FZD4: variants seen among roughly 807,000 people sequenced by gnomAD.
FZD4 encodes the protein frizzled class receptor 4.
In FZD4, 16 loss-of-function variants were observed where a neutral mutation model predicts 37.3. The ratio of observed to expected loss-of-function variants is 0.43; its 90% CI spans 0.29 to 0.65. FZD4 has a LOEUF of 0.65. Ranked by LOEUF, FZD4 falls within the 30% of genes least tolerant of loss-of-function variation. The pLI is 0.16. For synonymous variants in FZD4, 246 were observed against 254.8 expected (o/e 0.97, Z 0.33); for missense variants, 599 against 674.3 (o/e 0.89, Z 1.24).
chr11:86,950,456 G>A lies in FZD4; in HGVS notation c.*686C>T, dbSNP rs1162752826. The A allele has an allele frequency of 6.5e-6, 1 of 152,736 alleles. No homozygotes were observed. The allele number at this position is 152,736 out of a possible 1,614,324, so 9.5% of individuals were successfully genotyped here. ...CAAGAAGAGAGATGTTGAAATTTAA[G>A]AGAGGAAGACAGAGAAGAAAAATCC... On this transcript the variant is annotated 3_prime_UTR_variant, in exon 2 of 2. Coordinates refer to ENST00000531380, the MANE Select transcript of FZD4 (RefSeq NM_012193.4).
Position 86,954,863 on chromosome 11 carries a change from C to G in FZD4, c.223G>C (p.Ala75Pro). 1 of 1,613,460 alleles carries G rather than the reference C, an allele frequency of 6.2e-7. No individual in the cohort carries two copies. ...GTGAAAGTTGTCAGCTGCAGCTCGGCGTCCGTCTGCAGCTCGTGCCCAACC... is the reference window on the plus strand; with the variant it reads ...GTGAAAGTTGTCAGCTGCAGCTCGGGGTCCGTCTGCAGCTCGTGCCCAACC... ...NLVGHELQTD[A>P]ELQLTTFTPL... Residue 75 changes from alanine (A) to proline (P), a missense_variant, in exon 1 of 2, where the codon GCC becomes CCC. Coordinates refer to ENST00000531380, the MANE Select transcript of FZD4 (RefSeq NM_012193.4).
Position 86,951,562 on chromosome 11 carries a change from A to G in FZD4, c.1194T>C (p.Tyr398=), listed in dbSNP as rs147766472. The G allele has an allele frequency of 1.8e-4, 287 of 1,614,200 alleles. No individual in the cohort carries two copies. The African/African-American group carries it at 2.4e-3, about 13-fold the overall frequency. ...TGFVVAPLFT[Y]LVIGTLFIAA... ...CAATGAACAAAGTTCCAATGACCAA[A>G]TAAGTAAAGAGGGGAGCCACCACGA... is the stretch of plus-strand genomic sequence containing the variant. The change falls in exon 2 of 2, where the codon TAT becomes TAC. Residue 398 remains tyrosine (Y), a synonymous_variant. Coordinates refer to ENST00000531380, the MANE Select transcript of FZD4 (RefSeq NM_012193.4).
In FZD4 at chr11:86,946,419, A is replaced by G. The variant is rs1326060439; in HGVS notation, c.*4723T>C. On this transcript the variant is annotated 3_prime_UTR_variant, in exon 2 of 2. Coordinates refer to ENST00000531380, the MANE Select transcript of FZD4 (RefSeq NM_012193.4). ...GGTCCTCTACAAATTGCCTGGGGAA[A>G]TTCTGGGAATTGGCTGATGCAAAGA... 6.6e-6 allele frequency: 1 copy of G among 152,236 alleles called. No homozygotes were observed. The highest frequency in any genetic ancestry group is 1.5e-5 in the Non-Finnish European group (1 of 68,058). The allele number at this position is 152,236 out of a possible 1,614,324, so 9.4% of individuals were successfully genotyped here. A position where few individuals can be genotyped will look rare whatever the true frequency, so the allele number is the denominator to read the frequency against.
In FZD4 at chr11:86,952,071, G is replaced by A. The variant is rs1299776495; in HGVS notation, c.685C>T (p.Leu229=). The A allele has an allele frequency of 7.4e-6, 12 of 1,613,960 alleles. No homozygotes were observed. Among genetic ancestry groups the A allele is most frequent in the Admixed American group, 1.7e-5 (1 of 60,010 alleles). ...GTGAAGGCAGTGGAGATGAAACACA[G>A]GCTGGCCCACACAGCCATCCAGATA... ...TDIWMAVWAS[L]CFISTAFTVL... is the part of the protein sequence containing the mutation. Residue 229 remains leucine (L), a synonymous_variant, in exon 2 of 2, where the codon CTG becomes TTG. Coordinates refer to ENST00000531380, the MANE Select transcript of FZD4 (RefSeq NM_012193.4).
chr11:86,952,424 T>C lies in FZD4; in HGVS notation c.332A>G (p.Asn111Ser), dbSNP rs762727431. ...GCCGCCGCATGGGCCAATGGGGATGTTGATCTTCTCTGTGCACATTGGCAC... is the reference window on the plus strand; with the variant it reads ...GCCGCCGCATGGGCCAATGGGGATGCTGATCTTCTCTGTGCACATTGGCAC... ...VYVPMCTEKINIPIGPCGGMC... is the reference protein window; with the variant it reads ...VYVPMCTEKISIPIGPCGGMC... The change falls in exon 2 of 2, where the codon AAC becomes AGC. Residue 111 changes from asparagine (N) to serine (S), a missense_variant. Coordinates refer to ENST00000531380, the MANE Select transcript of FZD4 (RefSeq NM_012193.4). 3.0e-5 allele frequency: 49 copies of C among 1,613,896 alleles called. No individual in the cohort carries two copies. The highest frequency in any genetic ancestry group is 1.1e-4 in the East Asian group (5 of 44,894).
rs2135037687 is a variant in FZD4 at position 86,949,872 on chromosome 11, T to C, written c.*1270A>G. On this transcript the variant is annotated 3_prime_UTR_variant, in exon 2 of 2. Transcript: ENST00000531380. ...AAATCTTACAAGGAGCCTTTGCCAA[T>C]TACTAGGAAACAATTACGCACCAAG... is the stretch of plus-strand genomic sequence containing the variant. 6.5e-6 allele frequency: 1 copy of C among 152,784 alleles called. No individual in the cohort carries two copies. The highest frequency in any genetic ancestry group is 1.9e-4 in the East Asian group (1 of 5,192). 9.5% of individuals were successfully genotyped at this position (152,784 alleles called of 1,614,324 possible). A position where few individuals can be genotyped will look rare whatever the true frequency, so the allele number is the denominator to read the frequency against.
rs199577384 is a variant in FZD4, at chr11:86,951,189, C to T, written c.1567G>A (p.Gly523Arg). Residue 523 changes from glycine to arginine, a missense_variant, in exon 2 of 2, where the codon GGA becomes AGA. Coordinates refer to ENST00000531380, the MANE Select transcript of FZD4 (RefSeq NM_012193.4). Reference protein sequence around the residue: ...NSGKVKREKRGNGWVKPGKGS... With the variant: ...NSGKVKREKRRNGWVKPGKGS... ...TTTCCAGGCTTCACCCAACCATTTC[C>T]TCTCTTCTCTCTCTTTACCTTTCCA... is the stretch of plus-strand genomic sequence containing the variant. 3.1e-6 allele frequency: 5 copies of T among 1,613,910 alleles called. No individual in the cohort carries two copies. The East Asian group carries it at 8.9e-5, about 29-fold the overall frequency.
In FZD4 at chr11:86,951,678, T is replaced by C. The variant is rs530613772; in HGVS notation, c.1078A>G (p.Ile360Val). The C allele has an allele frequency of 1.4e-5, 23 of 1,614,108 alleles. 1 individual carries two copies. The South Asian group carries it at 2.0e-4, about 14-fold the overall frequency. The change falls in exon 2 of 2, where the codon ATT (isoleucine) becomes GTT (valine). Residue 360 changes from isoleucine (I) to valine (V), a missense_variant. Ile to Val is a conservative substitution (Grantham distance 29). Around this residue, in one of 3 missense-constraint regions of FZD4, gnomAD observed 39 missense variants for 81.4 expected, o/e 0.48. Coordinates refer to ENST00000531380, the MANE Select transcript of FZD4 (RefSeq NM_012193.4). ...AAWAIPAVKT[I>V]VILIMRLVDA... Reference sequence around the variant, plus strand: ...ACCAGTCTCATAATCAAGATGACAATGGTTTTCACTGCGGGGATGGCCCAG... The same window carrying C: ...ACCAGTCTCATAATCAAGATGACAACGGTTTTCACTGCGGGGATGGCCCAG...
At chr11:86,954,692 A>T in intron 1 of FZD4, 109 bp downstream of exon 1, 1 of 1,449,172 alleles carries the variant, frequency 6.9e-7, no homozygotes, top group Non-Finnish European at 9.1e-7. Context: ...TTTCCAGGAG[A>T]GCTGTCTCCT....
Position 86,951,186 on chromosome 11 carries a change from T to C in FZD4, c.1570A>G (p.Asn524Asp), listed in dbSNP as rs148448468. Residue 524 changes from asparagine to aspartate, a missense_variant, in exon 2 of 2, where the codon AAT (asparagine) becomes GAT (aspartate). Coordinates refer to ENST00000531380, the MANE Select transcript of FZD4 (RefSeq NM_012193.4). ...CCTTTTCCAGGCTTCACCCAACCAT[T>C]TCCTCTCTTCTCTCTCTTTACCTTT... ...SGKVKREKRG[N>D]GWVKPGKGSE... 7 of 1,613,856 alleles carry C rather than the reference T, an allele frequency of 4.3e-6. No homozygotes were observed. The African/African-American group carries it at 8.0e-5, about 18-fold the overall frequency.
chr11:86,951,918 T>G lies in FZD4; in HGVS notation c.838A>C (p.Ile280Leu). ...GCTGCCTCTTCAAAATCACAGGATA[T>G]CCTTTCCCGGCCTACAGTCAGCCTG... ...IVRLTVGRERISCDFEEAAEP... is the reference protein window; with the variant it reads ...IVRLTVGRERLSCDFEEAAEP... Residue 280 changes from isoleucine to leucine, a missense_variant, in exon 2 of 2, where the codon ATA becomes CTA. Physicochemically the swap from Ile to Leu is conservative, Grantham distance 5. Transcript: ENST00000531380. 2 of 1,613,938 alleles carry G rather than the reference T, an allele frequency of 1.2e-6. No homozygotes were observed. The highest frequency in any genetic ancestry group is 1.7e-6 in the Non-Finnish European group (2 of 1,179,950).
At position 86,951,203 on chromosome 11, in the gene FZD4, T is replaced by C. The variant is rs779086471; in HGVS notation, c.1553A>G (p.Lys518Arg). 3.7e-6 allele frequency: 6 copies of C among 1,614,080 alleles called. No individual in the cohort carries two copies. In the Admixed American group the frequency reaches 1.0e-4, roughly 27 times the overall value. ...SNRLVNSGKV[K>R]REKRGNGWVK... ...CCAACCATTTCCTCTCTTCTCTCTC[T>C]TTACCTTTCCAGAATTCACCAATCT... Residue 518 changes from lysine (K) to arginine (R), a missense_variant, in exon 2 of 2, where the codon AAG becomes AGG. Physicochemically the swap from Lys to Arg is conservative, Grantham distance 26. This residue lies in a region of FZD4 where 203 missense variants were observed against 196.8 expected (regional missense o/e 1.03). Coordinates refer to ENST00000531380, the MANE Select transcript of FZD4 (RefSeq NM_012193.4).
intron 1 of FZD4, chr11:86,954,506 T>C: frequency 3.0e-6 from 3 of 985,312 alleles, no homozygotes; most frequent in Non-Finnish European, 3.6e-6. Flanking sequence ...GCCAGAATCC[T>C]TGGCAGAGAT....
At position 86,955,035 on chromosome 11, in the gene FZD4, GACGC is replaced by G; in HGVS notation, c.47_50del (p.Gly16AlafsTer44). ...GCAGGAGCAACCCCAGACTGAGACCGACGCCCCCGGGCGCCCCCGGGACGCTCGG... is the reference window on the plus strand; with the variant it reads ...GCAGGAGCAACCCCAGACTGAGACCGCCCCGGGCGCCCCCGGGACGCTCGG... On this transcript the variant is annotated frameshift_variant, in exon 1 of 2. Transcript: ENST00000531380. LOFTEE classifies it high-confidence loss of function. 2 of 1,608,698 alleles carry G rather than the reference GACGC, an allele frequency of 1.2e-6. No homozygotes were observed. The highest frequency in any genetic ancestry group is 1.7e-6 in the Non-Finnish European group (2 of 1,178,014).
At chr11:86,954,663 G>A in intron 1 of FZD4, 138 bp downstream of exon 1, 1 of 1,438,852 alleles carries the variant, frequency 6.9e-7, no homozygotes, top group Non-Finnish European at 9.1e-7. Flanking sequence ...AGAAAGTGGG[G>A]GTGGGGATGG....
Position 86,949,649 on chromosome 11 carries a change from C to T in FZD4, c.*1493G>A, listed in dbSNP as rs1949273194. The T allele has an allele frequency of 6.6e-6, 1 of 152,648 alleles. No individual in the cohort carries two copies. The allele number at this position is 152,648 out of a possible 1,614,324, so 9.5% of individuals were successfully genotyped here. A position where few individuals can be genotyped will look rare whatever the true frequency, so the allele number is the denominator to read the frequency against. On this transcript the variant is annotated 3_prime_UTR_variant, in exon 2 of 2. Coordinates refer to ENST00000531380, the MANE Select transcript of FZD4 (RefSeq NM_012193.4). ...TTCGAGAGGCTGCTGGGGGTACCCC[C>T]TTGTGAAGAACGTATGCATAAATTT...
chr11:86,948,189 C>T lies in FZD4; in HGVS notation c.*2953G>A, dbSNP rs907453752. The T allele has an allele frequency of 6.6e-6, 1 of 151,024 alleles. No individual in the cohort carries two copies. Among genetic ancestry groups the T allele is most frequent in the African/African-American group, 2.5e-5 (1 of 40,358 alleles). The allele number at this position is 151,024 out of a possible 1,614,324, so 9.4% of individuals were successfully genotyped here. ...TGTGTTAAAAGTAGAGAGACCCAGG[C>T]TGGGTGTGGTGGCTCACACAGGAAG... On this transcript the variant is annotated 3_prime_UTR_variant, in exon 2 of 2. Transcript: ENST00000531380.
Position 86,950,960 on chromosome 11 carries a change from A to G in FZD4, c.*182T>C. On this transcript the variant is annotated 3_prime_UTR_variant, in exon 2 of 2. Coordinates refer to ENST00000531380, the MANE Select transcript of FZD4 (RefSeq NM_012193.4). The stretch of plus-strand genomic sequence containing the variant: ...CATTTTGGATCATTCCAAAGTCTGC[A>G]GCAAAATCATTGGTTTTTTGATGCT... 1 of 682,662 alleles carries G rather than the reference A, an allele frequency of 1.5e-6. No individual in the cohort carries two copies. Among genetic ancestry groups the G allele is most frequent in the Non-Finnish European group, 2.6e-6 (1 of 392,006 alleles). The allele number at this position is 682,662 out of a possible 1,614,324, so 42.3% of individuals were successfully genotyped here.
intron 1 of FZD4, among the ~76,000 whole-genome samples, chr11:86,953,885 G>T (rs1949315283): frequency 6.6e-6 from 1 of 152,132 alleles, no homozygotes; most frequent in African/African-American, 2.4e-5. Context: ...AAAGTGCTGG[G>T]ATTACAGGCG....
Sources: gnomAD v4.1 joint callset for allele counts (sites outside exome capture counted in the v4.1 genomes callset) on GRCh38, gnomAD v4.1.1 for gene constraint, gnomAD v4.1.1 regional missense constraint, MANE v1.5 for transcripts, NCBI Gene and HGNC (gene_info 2026-07-23, HGNC 2026-07-21) for gene names.